Variants in DOCK1 observed in about 807,000 individuals in gnomAD.
DOCK1 encodes dedicator of cytokinesis protein 1.
A neutral mutation model predicts 262.7 loss-of-function variants in DOCK1; 138 were observed. That is an observed-to-expected ratio of 0.53 (90% CI 0.46 to 0.61). The LOEUF (loss-of-function observed/expected upper bound fraction) is 0.61. Ranked by LOEUF, DOCK1 falls within the 20% of genes least tolerant of loss-of-function variation. DOCK1 has a pLI of 0.00. For synonymous variants in DOCK1, 866 were observed against 867.4 expected (o/e 1.00, Z 0.03); for missense variants, 1,908 against 2,370.7 (o/e 0.80, Z 4.05).
chr10:127,038,232 TCAAAAAAACAAAA>T (rs2043783799), intron 19 of DOCK1, among the ~76,000 whole-genome samples: 1 of 152,086 alleles, frequency 6.6e-6, no homozygotes, highest in African/African-American at 2.4e-5. Context: ...AAACTCCGTC[TCAAAAAAACAAAA>T]CAAAAAAATA....
At chr10:127,376,589 G>A (rs1031616002) in intron 35 of DOCK1, among the ~76,000 whole-genome samples, 2 of 152,198 alleles carry the variant, frequency 1.3e-5, no homozygotes, top group Non-Finnish European at 2.9e-5. Context: ...TTGTCATGGT[G>A]CCAATGTGAT....
chr10:127,181,731 T>G (rs1479203919), intron 27 of DOCK1, among the ~76,000 whole-genome samples: 1 of 152,098 alleles, frequency 6.6e-6, no homozygotes, highest in African/African-American at 2.4e-5. Context: ...AACATCCCAT[T>G]CTTCACCACC....
intron 21 of DOCK1, among the ~76,000 whole-genome samples, chr10:127,046,795 T>C (rs1436980067): frequency 6.7e-6 from 1 of 149,368 alleles, no homozygotes; most frequent in Non-Finnish European, 1.5e-5. Flanking sequence ...TTCATTGTGA[T>C]GTATTGGTAA....
intron 23 of DOCK1, among the ~76,000 whole-genome samples, chr10:127,088,063 A>G (rs1296724243): frequency 6.6e-6 from 1 of 152,224 alleles, no homozygotes; most frequent in Non-Finnish European, 1.5e-5. Flanking sequence ...AGTGAAAGGC[A>G]GCAGGTTTTC....
At chr10:127,123,733 G>A (rs961515958) in intron 25 of DOCK1, among the ~76,000 whole-genome samples, 3 of 152,108 alleles carry the variant, frequency 2.0e-5, no homozygotes, top group Admixed American at 1.3e-4. Flanking sequence ...GTTCTCGGGT[G>A]GCTCTAACAC....
chr10:127,225,793 A>G (rs1474807107), intron 27 of DOCK1, among the ~76,000 whole-genome samples: 1 of 152,210 alleles, frequency 6.6e-6, no homozygotes, highest in African/African-American at 2.4e-5. Flanking sequence ...CATAAGAAGT[A>G]GTTGGACGGG....
At chr10:127,166,066 T>G (rs1450811575) in intron 27 of DOCK1, among the ~76,000 whole-genome samples, 2 of 151,110 alleles carry the variant, frequency 1.3e-5, no homozygotes, top group African/African-American at 2.4e-5. Context: ...CATTTTCTTA[T>G]TTATTTATTT....
intron 29 of DOCK1, among the ~76,000 whole-genome samples, chr10:127,321,962 A>G (rs1229198732): frequency 6.6e-6 from 1 of 151,768 alleles, no homozygotes; most frequent in Non-Finnish European, 1.5e-5. Context: ...AATCAGCCAG[A>G]TGTGGTGGCA....
intron 37 of DOCK1, among the ~76,000 whole-genome samples, chr10:127,383,120 T>C (rs553065370): frequency 2.0e-5 from 3 of 152,228 alleles, no homozygotes; most frequent in Non-Finnish European, 4.4e-5. Context: ...ATGACAGATA[T>C]ATTATTGTTT....
In DOCK1 at chr10:127,444,256, A is replaced by C. The variant is rs767014234; in HGVS notation, c.5390A>C (p.Lys1797Thr). 11 of 1,609,738 alleles carry C rather than the reference A, an allele frequency of 6.8e-6. No individual in the cohort carries two copies. In the East Asian group the frequency reaches 2.2e-4, roughly 33 times the overall value. The change falls in exon 50 of 52, where the codon AAG becomes ACG. Residue 1797 changes from lysine to threonine, a missense_variant. Lys to Thr is a moderately conservative substitution (Grantham distance 78). Transcript: ENST00000623213. ...QTPPPVTPRA[K>T]LSFSMQSSLE... ...CCCCCTCCAGTTACACCAAGGGCCA[A>C]GCTCAGCTTCAGCATGCAGTCGAGT... is the stretch of plus-strand genomic sequence containing the variant.
chr10:127,095,296 G>T (rs2047841788), intron 23 of DOCK1, among the ~76,000 whole-genome samples: 1 of 152,170 alleles, frequency 6.6e-6, no homozygotes, highest in African/African-American at 2.4e-5. Context: ...CTATCCTGAT[G>T]CCCTGAGTCC....
intron 23 of DOCK1, among the ~76,000 whole-genome samples, chr10:127,066,258 C>T (rs967766669): frequency 6.8e-6 from 1 of 146,198 alleles, no homozygotes; most frequent in Non-Finnish European, 1.5e-5. Context: ...TCGGAATTCC[C>T]TTCTGCTGTC....
chr10:127,372,801 T>G (rs2065277391), intron 33 of DOCK1, among the ~76,000 whole-genome samples: 2 of 152,230 alleles, frequency 1.3e-5, no homozygotes, highest in South Asian at 4.1e-4. Flanking sequence ...GATTCAGCTT[T>G]CTTCAATTCT....
At chr10:127,424,815 G>A (rs1001458822) in intron 46 of DOCK1, among the ~76,000 whole-genome samples, 2 of 152,162 alleles carry the variant, frequency 1.3e-5, no homozygotes, top group East Asian at 3.9e-4. Flanking sequence ...AGGGTTTGGG[G>A]CCAACTGTCA....
At chr10:127,067,858 C>G (rs982401275) in intron 23 of DOCK1, among the ~76,000 whole-genome samples, 1 of 151,642 alleles carries the variant, frequency 6.6e-6, no homozygotes, top group Non-Finnish European at 1.5e-5. Context: ...AGGCCCCTGA[C>G]GCTCAGGCAA....
intron 35 of DOCK1, among the ~76,000 whole-genome samples, chr10:127,377,566 T>C (rs1355616395): frequency 2.0e-5 from 3 of 152,242 alleles, no homozygotes; most frequent in African/African-American, 4.8e-5. Context: ...TTGTAAGTTG[T>C]GTAGGCTCCT....
At chr10:127,259,789 ATT>A (rs10534535) in intron 29 of DOCK1, among the ~76,000 whole-genome samples, 43,973 of 144,932 alleles carry the variant, frequency 0.3, 7,380 homozygotes, top group South Asian at 0.52. Flanking sequence ...TTAGTTCATG[ATT>A]TTTTTTTTTT....
chr10:127,099,891 T>C (rs2048133900), intron 23 of DOCK1, among the ~76,000 whole-genome samples: 1 of 152,042 alleles, frequency 6.6e-6, no homozygotes, highest in South Asian at 2.1e-4. Flanking sequence ...AACTGTGTGT[T>C]TGGGGTGGAC....
chr10:127,052,381 G>A (rs1335113303), intron 21 of DOCK1, among the ~76,000 whole-genome samples: 2 of 152,146 alleles, frequency 1.3e-5, no homozygotes, highest in East Asian at 3.9e-4. Context: ...AAAATTAGCT[G>A]GGCGAGGCGG....
Sources: gnomAD v4.1 joint callset for allele counts (sites outside exome capture counted in the v4.1 genomes callset) on GRCh38, gnomAD v4.1.1 for gene constraint, MANE v1.5 for transcripts, NCBI Gene and HGNC (gene_info 2026-07-23, HGNC 2026-07-21) for gene names.